EARS2: variants seen among roughly 807,000 people sequenced by gnomAD.
EARS2 encodes nondiscriminating glutamyl-tRNA synthetase EARS2, mitochondrial.
In EARS2, 50 loss-of-function variants were observed where a neutral mutation model predicts 54.1. That is an observed-to-expected ratio of 0.92 (90% CI 0.74 to 1.17). The LOEUF (loss-of-function observed/expected upper bound fraction) is 1.17, where lower values mean the gene tolerates loss of function less well. Ranked by LOEUF, EARS2 falls within the 50% of genes most tolerant of loss-of-function variation. The pLI is 0.00. For synonymous variants in EARS2, 298 were observed against 281.0 expected (o/e 1.06, Z -0.61); for missense variants, 673 against 675.0 (o/e 1.00, Z 0.03).
chr16:23,538,027 C>T (rs2142175995), intron 3 of EARS2, among the ~76,000 whole-genome samples: 2 of 152,058 alleles, frequency 1.3e-5, no homozygotes, highest in South Asian at 4.2e-4. Context: ...TAGCAATCTG[C>T]CCACCTTGGC....
chr16:23,547,385 T>C (rs1011393545), intron 2 of EARS2, among the ~76,000 whole-genome samples: 20 of 152,202 alleles, frequency 1.3e-4, no homozygotes, highest in African/African-American at 4.8e-4. Flanking sequence ...GAAGAGTTTC[T>C]TTTAGGGGTG....
In EARS2 at chr16:23,522,740, G is replaced by A. The variant is rs945005750; in HGVS notation, c.*1631C>T. On this transcript the variant is annotated 3_prime_UTR_variant, in exon 9 of 9. Coordinates refer to ENST00000449606, the MANE Select transcript of EARS2 (RefSeq NM_001083614.2). ...AACCAAGTAGCTTTAAACAATAAAC[G>A]TTTACTATCTCACAGTTCATGTGTG... is the stretch of plus-strand genomic sequence containing the variant. 7.2e-5 allele frequency: 11 copies of A among 152,122 alleles called. No individual in the cohort carries two copies. Among genetic ancestry groups the A allele is most frequent in the Admixed American group, 5.2e-4 (8 of 15,254 alleles). The allele number at this position is 152,122 out of a possible 1,614,324, so 9.4% of individuals were successfully genotyped here. A position where few individuals can be genotyped will look rare whatever the true frequency, so the allele number is the denominator to read the frequency against.
rs897651550 is a variant in EARS2, at chr16:23,557,325, T to C, written c.19A>G (p.Arg7Gly). ...GAAGGCCTCTCGCGCTGCAGCAGTC[T>C]CCTCAGGAGCGCCGCCATGTGGGAT... MAALLR[R>G]LLQRERPSAA... Residue 7 changes from arginine to glycine, a missense_variant, in exon 1 of 9, where the codon AGA becomes GGA. Around this residue, in one of 3 missense-constraint regions of EARS2, gnomAD observed 316 missense variants for 275.2 expected, o/e 1.15. Transcript: ENST00000449606. The C allele has an allele frequency of 1.9e-6, 3 of 1,541,456 alleles. No homozygotes were observed. The highest frequency in any genetic ancestry group is 2.7e-5 in the African/African-American group (2 of 73,512).
rs112604556 is a variant in EARS2 at position 23,529,562 on chromosome 16, C to G, written c.1292G>C (p.Gly431Ala). ...CGAGATGGCGTCCAGCTGTGCTCGA[C>G]CTACTGCAGGGCGAGTCCACAGGTA... is the stretch of plus-strand genomic sequence containing the variant. ...YSYLWTRPAVGRAQLDAISEK... is the reference protein window; with the variant it reads ...YSYLWTRPAVARAQLDAISEK... The change falls in exon 7 of 9, where the codon GGT becomes GCT. Residue 431 changes from glycine (G) to alanine (A), a missense_variant. This residue lies in a region of EARS2 where 338 missense variants were observed against 361.2 expected (regional missense o/e 0.94). Coordinates refer to ENST00000449606, the MANE Select transcript of EARS2 (RefSeq NM_001083614.2). 8.4e-5 allele frequency: 136 copies of G among 1,614,210 alleles called. No individual in the cohort carries two copies. The African/African-American group carries it at 1.6e-3, about 19-fold the overall frequency.
At chr16:23,531,593 T>C (rs1486073989) in intron 5 of EARS2, among the ~76,000 whole-genome samples, 1 of 152,184 alleles carries the variant, frequency 6.6e-6, no homozygotes, top group Admixed American at 6.5e-5. Context: ...CTCTATGTCC[T>C]GGGTTCCTCA....
Position 23,522,197 on chromosome 16 carries a change from T to C in EARS2, c.*2174A>G, listed in dbSNP as rs1965150600. 9.8e-6 allele frequency: 2 copies of C among 203,774 alleles called. No homozygotes were observed. The highest frequency in any genetic ancestry group is 1.1e-4 in the Admixed American group (2 of 19,024). The allele number at this position is 203,774 out of a possible 1,614,324, so 12.6% of individuals were successfully genotyped here. On this transcript the variant is annotated 3_prime_UTR_variant, in exon 9 of 9. Coordinates refer to ENST00000449606, the MANE Select transcript of EARS2 (RefSeq NM_001083614.2). Reference sequence around the variant, plus strand: ...ACATCATCTTCTGGAGAAAGCTCCCTAGTTTTCCTTGAGAACAACTTTTCC... The same window carrying C: ...ACATCATCTTCTGGAGAAAGCTCCCCAGTTTTCCTTGAGAACAACTTTTCC...
intron 2 of EARS2, chr16:23,546,363 G>A (rs1352991713): frequency 2.0e-5 from 9 of 455,808 alleles, no homozygotes; most frequent in Non-Finnish European, 3.5e-5. Context: ...GAGCTGAGTG[G>A]GCCTGGGTTC....
chr16:23,542,772 G>C (rs1317682917), intron 3 of EARS2, among the ~76,000 whole-genome samples: 2 of 152,066 alleles, frequency 1.3e-5, no homozygotes, highest in Non-Finnish European at 2.9e-5. Flanking sequence ...GCTGGGCCTA[G>C]TGACTTTTGT....
intron 3 of EARS2, among the ~76,000 whole-genome samples, chr16:23,538,701 A>G (rs75213733): frequency 6.6e-6 from 1 of 151,386 alleles, no homozygotes; most frequent in African/African-American, 2.4e-5. Flanking sequence ...GAAATTTAAG[A>G]AAAAAAAAGA....
Position 23,535,067 on chromosome 16 carries a change from A to G in EARS2, c.779T>C (p.Leu260Pro). Residue 260 changes from leucine (L) to proline (P), a missense_variant, in exon 4 of 9, where the codon CTC becomes CCC. Physicochemically the swap from Leu to Pro is moderately conservative, Grantham distance 98 (BLOSUM62 -3). This residue lies in a region of EARS2 where 338 missense variants were observed against 361.2 expected (regional missense o/e 0.94). Coordinates refer to ENST00000449606, the MANE Select transcript of EARS2 (RefSeq NM_001083614.2). ...TGGCTGCCAGCCCAGGGCCTGGTAG[A>G]GGAGCAGGTGCTTGGCAGTGGAGAC... ...WLVSTAKHLL[L>P]YQALGWQPPH... 6.2e-7 allele frequency: 1 copy of G among 1,605,564 alleles called. No individual in the cohort carries two copies.
intron 3 of EARS2, among the ~76,000 whole-genome samples, chr16:23,540,147 C>T (rs1965489172): frequency 6.6e-6 from 1 of 152,028 alleles, no homozygotes; most frequent in Admixed American, 6.6e-5. Flanking sequence ...GAGTGAGACC[C>T]CATCTCAAAA....
chr16:23,536,880 ACCAC>A (rs1265088639), intron 3 of EARS2, among the ~76,000 whole-genome samples: 4 of 151,752 alleles, frequency 2.6e-5, no homozygotes, highest in African/African-American at 9.7e-5. Flanking sequence ...ATGGGGTTTC[ACCAC>A]GTTGGTCAGG....
intron 3 of EARS2, among the ~76,000 whole-genome samples, chr16:23,539,340 A>G (rs1020504750): frequency 6.6e-6 from 1 of 152,202 alleles, no homozygotes; most frequent in Non-Finnish European, 1.5e-5. Flanking sequence ...TGTGAAATCC[A>G]TACTTGATCT....
chr16:23,536,071 C>T (rs1217103277), intron 3 of EARS2, among the ~76,000 whole-genome samples: 4 of 152,146 alleles, frequency 2.6e-5, no homozygotes, highest in African/African-American at 4.8e-5. Flanking sequence ...GGTCTGTGGG[C>T]CCCTAGCATC....
At chr16:23,528,530 G>T (rs1965267953) in intron 7 of EARS2, among the ~76,000 whole-genome samples, 1 of 152,202 alleles carries the variant, frequency 6.6e-6, no homozygotes, top group Non-Finnish European at 1.5e-5. Flanking sequence ...ACTCGAGAGG[G>T]AGTCCCAGAG....
chr16:23,534,789 G>T, intron 4 of EARS2, 99 bp downstream of exon 4: 1 of 1,065,410 alleles, frequency 9.4e-7, no homozygotes, highest in Non-Finnish European at 1.3e-6. Context: ...TGGCTGGTAG[G>T]TGGCAAAGCT....
intron 5 of EARS2, among the ~76,000 whole-genome samples, chr16:23,530,825 G>A (rs956589161): frequency 1.3e-5 from 2 of 151,938 alleles, no homozygotes; most frequent in African/African-American, 2.4e-5. Flanking sequence ...GCAGTGAACC[G>A]AGATGTCACC....
chr16:23,540,539 A>G (rs1177543655), intron 3 of EARS2, among the ~76,000 whole-genome samples: 1 of 152,214 alleles, frequency 6.6e-6, no homozygotes, highest in Non-Finnish European at 1.5e-5. Flanking sequence ...CTGCAATTCC[A>G]CCTCTAGGAA....
chr16:23,546,426 G>A, intron 2 of EARS2: 1 of 455,798 alleles, frequency 2.2e-6, no homozygotes, highest in African/African-American at 2.0e-5. Context: ...CTGGGCTCTG[G>A]GTTCTCATCT....
Sources: allele counts gnomAD v4.1 joint callset (sites outside exome capture counted in the v4.1 genomes callset), GRCh38; gene constraint gnomAD v4.1.1; regional missense constraint gnomAD v4.1.1; transcripts MANE v1.5; gene names NCBI Gene and HGNC (gene_info 2026-07-23, HGNC 2026-07-21).